NRXN1: variants seen among roughly 807,000 people sequenced by gnomAD.
The protein encoded by NRXN1 is neurexin-1.
A neutral mutation model predicts 150.9 loss-of-function variants in NRXN1; 39 were observed. That is an observed-to-expected ratio of 0.26 (90% CI 0.20 to 0.34). NRXN1 has a LOEUF of 0.34. Ranked by LOEUF, NRXN1 falls within the 10% of genes least tolerant of loss-of-function variation. NRXN1 has a pLI of 1.00. For missense variants in NRXN1, 1,815 were observed against 1,949.9 expected (o/e 0.93, Z 1.30); for synonymous variants, 924 against 757.0 (o/e 1.22, Z -3.62).
chr2:50,466,362 A>C (rs2088846993), intron 16 of NRXN1: 3 of 353,824 alleles, frequency 8.5e-6, no homozygotes, highest in Admixed American at 7.3e-5. Context: ...ATCTGAACCC[A>C]AATAACAGTT....
At chr2:50,368,397 T>TG (rs1407321557) in intron 17 of NRXN1, among the ~76,000 whole-genome samples, 3 of 152,010 alleles carry the variant, frequency 2.0e-5, no homozygotes, top group Non-Finnish European at 2.9e-5. Context: ...ATTCTATAGT[T>TG]GTTATTACAA....
At chr2:50,559,109 A>G (rs1668680077) in intron 8 of NRXN1, among the ~76,000 whole-genome samples, 1 of 152,154 alleles carries the variant, frequency 6.6e-6, no homozygotes, top group Non-Finnish European at 1.5e-5. Context: ...ATAAATAAAT[A>G]TCAAGTGAAA....
chr2:50,822,283 T>TA (rs1215009756), intron 5 of NRXN1, among the ~76,000 whole-genome samples: 1 of 152,154 alleles, frequency 6.6e-6, no homozygotes, highest in Non-Finnish European at 1.5e-5. Flanking sequence ...TCTCAGTATC[T>TA]AAAACAATTA....
intron 5 of NRXN1, among the ~76,000 whole-genome samples, chr2:50,903,612 A>C (rs1415270144): frequency 6.6e-6 from 1 of 152,152 alleles, no homozygotes; most frequent in Non-Finnish European, 1.5e-5. Context: ...CATTCTGTAA[A>C]TTATAACACA....
intron 15 of NRXN1, among the ~76,000 whole-genome samples, chr2:50,474,614 C>G (rs927159254): frequency 1.5e-5 from 2 of 137,034 alleles, no homozygotes; most frequent in African/African-American, 5.5e-5. Flanking sequence ...TAGACAGTCT[C>G]ACACAACGTT....
At chr2:49,994,718 C>T (rs1022687388) in intron 21 of NRXN1, among the ~76,000 whole-genome samples, 3 of 152,196 alleles carry the variant, frequency 2.0e-5, no homozygotes, top group Non-Finnish European at 4.4e-5. Flanking sequence ...AAATAGACTC[C>T]TTTGGCCAGT....
At chr2:50,946,835 T>C (rs1690468970) in intron 2 of NRXN1, among the ~76,000 whole-genome samples, 1 of 152,196 alleles carries the variant, frequency 6.6e-6, no homozygotes, top group Non-Finnish European at 1.5e-5. Flanking sequence ...TTAAATAACT[T>C]TGTGCTGAAG....
chr2:50,037,181 G>C (rs961430393), intron 21 of NRXN1, among the ~76,000 whole-genome samples: 4 of 151,958 alleles, frequency 2.6e-5, no homozygotes, highest in African/African-American at 9.7e-5. Context: ...TAACTATACA[G>C]GGCTAAAACA....
chr2:50,362,788 C>G (rs561787533), intron 17 of NRXN1, among the ~76,000 whole-genome samples: 12 of 152,134 alleles, frequency 7.9e-5, no homozygotes, highest in Non-Finnish European at 1.3e-4. Context: ...ACAGCCAAGA[C>G]AATCCTAAGC....
chr2:50,128,570 C>T (rs1020889970), intron 18 of NRXN1, among the ~76,000 whole-genome samples: 4 of 152,070 alleles, frequency 2.6e-5, no homozygotes, highest in Admixed American at 1.3e-4. Context: ...AAAACGATCT[C>T]CCAGTATAAA....
At chr2:50,982,965 C>A (rs1342377995) in intron 2 of NRXN1, among the ~76,000 whole-genome samples, 1 of 151,954 alleles carries the variant, frequency 6.6e-6, no homozygotes, top group Non-Finnish European at 1.5e-5. Flanking sequence ...CTTATTTATT[C>A]ATTTATTCAT....
At chr2:50,143,896 T>C (rs1707635328) in intron 18 of NRXN1, among the ~76,000 whole-genome samples, 1 of 151,966 alleles carries the variant, frequency 6.6e-6, no homozygotes, top group Non-Finnish European at 1.5e-5. Flanking sequence ...TGTATGCTAA[T>C]TCTAACGTTA....
At chr2:50,714,609 AG>A (rs1695621790) in intron 5 of NRXN1, among the ~76,000 whole-genome samples, 1 of 152,198 alleles carries the variant, frequency 6.6e-6, no homozygotes, top group Non-Finnish European at 1.5e-5. Flanking sequence ...AATGAACAAA[AG>A]GCCTGGAGCT....
intron 18 of NRXN1, among the ~76,000 whole-genome samples, chr2:50,166,850 A>G (rs1446804556): frequency 6.6e-6 from 1 of 152,156 alleles, no homozygotes; most frequent in Non-Finnish European, 1.5e-5. Flanking sequence ...CACAACTAGG[A>G]TTAATTGGAA....
intron 18 of NRXN1, among the ~76,000 whole-genome samples, chr2:50,148,658 G>A (rs187837639): frequency 3.8e-4 from 58 of 151,778 alleles, no homozygotes; most frequent in African/African-American, 1.3e-3. Context: ...TTGACTGACT[G>A]ACCCATGATT....
intron 2 of NRXN1, among the ~76,000 whole-genome samples, chr2:50,963,726 G>C (rs906071365): frequency 2.0e-5 from 3 of 151,620 alleles, no homozygotes; most frequent in African/African-American, 7.2e-5. Context: ...CTAACTGATA[G>C]TGGTGTTACC....
At chr2:49,972,451 C>T (rs1678123104) in intron 21 of NRXN1, among the ~76,000 whole-genome samples, 1 of 152,150 alleles carries the variant, frequency 6.6e-6, no homozygotes, top group African/African-American at 2.4e-5. Flanking sequence ...TGGCTCTAAA[C>T]ATTTTCAGAA....
intron 5 of NRXN1, among the ~76,000 whole-genome samples, chr2:50,672,003 T>C (rs1688920661): frequency 6.6e-6 from 1 of 151,938 alleles, no homozygotes; most frequent in Non-Finnish European, 1.5e-5. Context: ...TTTTTAAATA[T>C]TCAACTTGGT....
Position 50,329,039 on chromosome 2 carries a change from TAAC to T in NRXN1, c.3365-92072_3365-92070del, listed in dbSNP as rs1280031974. 2.6e-5 allele frequency among the ~76,000 whole-genome samples: 4 copies of T among 152,148 alleles called. No individual in the cohort carries two copies. In the East Asian group the frequency reaches 7.7e-4, roughly 29 times the overall value. On this transcript the variant is annotated intron_variant, in intron 17 of 22. Coordinates refer to ENST00000401669, the MANE Select transcript of NRXN1 (RefSeq NM_001330078.2). ...AAGATAAGAAGGCTAGAAAAGAAGT[TAAC>T]AATAGAGAAAAATACCAATAGATTG...
Sources: gnomAD v4.1 joint callset for allele counts (sites outside exome capture counted in the v4.1 genomes callset) on GRCh38, gnomAD v4.1.1 for gene constraint, MANE v1.5 for transcripts, NCBI Gene and HGNC (gene_info 2026-07-23, HGNC 2026-07-21) for gene names.